Variants in DENND5A observed in about 807,000 individuals in gnomAD.
DENND5A encodes the protein DENN domain-containing protein 5A.
In DENND5A, 64 loss-of-function variants were observed where a neutral mutation model predicts 140.3. That is an observed-to-expected ratio of 0.46 (90% CI 0.37 to 0.56). The LOEUF is 0.56. DENND5A is among the 20% of genes least tolerant of loss of function. DENND5A has a pLI of 0.00. For missense variants in DENND5A, 1,292 were observed against 1,593.8 expected, an observed-to-expected ratio of 0.81 and a Z score of 3.22; for synonymous variants, 605 against 607.7, an observed-to-expected ratio of 1.00 and a Z score of 0.07.
intron 5 of DENND5A, among the ~76,000 whole-genome samples, chr11:9,190,239 G>C (rs756072523): frequency 2.6e-5 from 4 of 152,104 alleles, no homozygotes; most frequent in Non-Finnish European, 4.4e-5. Context: ...GCTGAAATAA[G>C]ATTTTGGGGG....
intron 1 of DENND5A, among the ~76,000 whole-genome samples, chr11:9,229,687 G>GGAAGAAGGAATGCTGCACAGAGTC (rs1850679991): frequency 6.6e-6 from 1 of 152,000 alleles, no homozygotes; most frequent in South Asian, 2.1e-4. Context: ...CCTATACCCA[G>GGAAGAAGGAATGCTGCACAGAGTC]GAAGAAGGAA....
chr11:9,139,879 C>A, intron 22 of DENND5A, 25 bp from the exon 23 acceptor site: 1 of 1,610,588 alleles, frequency 6.2e-7, no homozygotes, highest in Non-Finnish European at 8.5e-7. Context: ...GCAGTCCAGG[C>A]AGGTCAGAGG....
intron 1 of DENND5A, among the ~76,000 whole-genome samples, chr11:9,247,192 T>C (rs1301168772): frequency 6.7e-6 from 1 of 148,802 alleles, no homozygotes; most frequent in African/African-American, 2.5e-5. Context: ...ATCGTGCCAC[T>C]GCACTCCAGC....
At position 9,156,851 on chromosome 11, in the gene DENND5A, AGAGGGATGGAAG is replaced by A. The variant is rs1847819461; in HGVS notation, c.2436+3850_2436+3861del. ...AAAGGGGAAGGAGGGAAGGAGGGAC[AGAGGGATGGAAG>A]GATGGATGGAAGGAAGGAAGGAAGG... On this transcript the variant is annotated intron_variant, in intron 12 of 22. Coordinates refer to ENST00000328194, the MANE Select transcript of DENND5A (RefSeq NM_015213.4). Among the ~76,000 whole-genome samples, 4 of 137,276 alleles carry A rather than the reference AGAGGGATGGAAG, an allele frequency of 2.9e-5. No homozygotes were observed. In the South Asian group the frequency reaches 9.5e-4, roughly 33 times the overall value. The allele number at this position is 137,276 out of a possible 152,430, so 90.1% of individuals were successfully genotyped here.
chr11:9,180,816 A>G lies in DENND5A; in HGVS notation c.1406T>C (p.Ile469Thr). Residue 469 changes from isoleucine to threonine, a missense_variant, in exon 6 of 23, where the codon ATT (isoleucine) becomes ACT (threonine). By Grantham distance (89) the Ile-to-Thr change is moderately conservative. Transcript: ENST00000328194. ...SYELLKENET[I>T]ARLQALVKRT... is the part of the protein sequence containing the mutation. Reference sequence around the variant, plus strand: ...CTTGACCAAGGCTTGCAGCCGGGCAATAGTTTCATTCTCCTTAAGAAGCTC... The same window carrying G: ...CTTGACCAAGGCTTGCAGCCGGGCAGTAGTTTCATTCTCCTTAAGAAGCTC... 6.2e-7 allele frequency: 1 copy of G among 1,614,190 alleles called. No individual in the cohort carries two copies. The highest frequency in any genetic ancestry group is 1.1e-5 in the South Asian group (1 of 91,084).
chr11:9,234,207 C>T (rs1423957786), intron 1 of DENND5A, among the ~76,000 whole-genome samples: 2 of 150,420 alleles, frequency 1.3e-5, no homozygotes, highest in Admixed American at 6.6e-5. Context: ...AACTAATATA[C>T]CCTCCAAACC....
chr11:9,231,618 G>T lies in DENND5A; in HGVS notation c.110-23986C>A, dbSNP rs186330491. 1.8e-3 allele frequency among the ~76,000 whole-genome samples: 271 copies of T among 149,388 alleles called. 1 individual carries two copies. The highest frequency in any genetic ancestry group is 2.9e-3 in the Non-Finnish European group (197 of 67,680). On this transcript the variant is annotated intron_variant, in intron 1 of 22. Transcript: ENST00000328194. Reference sequence around the variant, plus strand: ...TAATCCTAGCTACTCAGGAGACTGAGGCAAGAGAATCACTTGAACCCAGGA... The same window carrying T: ...TAATCCTAGCTACTCAGGAGACTGATGCAAGAGAATCACTTGAACCCAGGA...
chr11:9,253,100 C>T (rs79549010), intron 1 of DENND5A, among the ~76,000 whole-genome samples: 1 of 152,032 alleles, frequency 6.6e-6, no homozygotes, highest in Non-Finnish European at 1.5e-5. Context: ...CATCCTCCCC[C>T]ACTCGGCCCC....
chr11:9,158,579 T>C, intron 12 of DENND5A, among the ~76,000 whole-genome samples: 1 of 151,916 alleles, frequency 6.6e-6, no homozygotes, highest in Non-Finnish European at 1.5e-5. Context: ...TAATATAAAA[T>C]AAAATAAAAT....
At chr11:9,195,884 T>C (rs568254896) in intron 4 of DENND5A, among the ~76,000 whole-genome samples, 8 of 152,222 alleles carry the variant, frequency 5.3e-5, no homozygotes, top group African/African-American at 1.9e-4. Context: ...TTAAGTGACA[T>C]TGTCTCAAAA....
chr11:9,208,243 C>T (rs1389961451), intron 1 of DENND5A, among the ~76,000 whole-genome samples: 2 of 152,216 alleles, frequency 1.3e-5, no homozygotes, highest in African/African-American at 4.8e-5. Context: ...TACAAATAAC[C>T]ATTTCACAGG....
intron 1 of DENND5A, among the ~76,000 whole-genome samples, chr11:9,243,358 G>A (rs1265236260): frequency 1.3e-5 from 2 of 152,260 alleles, no homozygotes; most frequent in East Asian, 1.9e-4. Flanking sequence ...AGAAAATGGG[G>A]TGGGGTATAT....
intron 1 of DENND5A, among the ~76,000 whole-genome samples, chr11:9,214,039 C>T (rs752746731): frequency 9.9e-5 from 15 of 152,108 alleles, no homozygotes; most frequent in Non-Finnish European, 1.9e-4. Context: ...CTGGGATATA[C>T]TAAAATTGAT....
intron 1 of DENND5A, among the ~76,000 whole-genome samples, chr11:9,228,323 G>A (rs1021726220): frequency 1.3e-5 from 2 of 152,042 alleles, no homozygotes; most frequent in Admixed American, 1.3e-4. Context: ...GAAAGACCAA[G>A]GATGATTACA....
chr11:9,244,038 C>A (rs188490341), intron 1 of DENND5A, among the ~76,000 whole-genome samples: 23 of 152,236 alleles, frequency 1.5e-4, no homozygotes, highest in Admixed American at 5.2e-4. Context: ...CAGCAGTAGG[C>A]TGTTAGTAAA....
At chr11:9,180,260 T>C (rs1436572540) in intron 6 of DENND5A, among the ~76,000 whole-genome samples, 1 of 151,834 alleles carries the variant, frequency 6.6e-6, no homozygotes, top group Non-Finnish European at 1.5e-5. Flanking sequence ...TGAGACTAGC[T>C]GAGCAACATA....
At chr11:9,210,005 G>A (rs1042389335) in intron 1 of DENND5A, among the ~76,000 whole-genome samples, 1 of 152,056 alleles carries the variant, frequency 6.6e-6, no homozygotes, top group African/African-American at 2.4e-5. Context: ...TAACTGGGAG[G>A]CTGAGGCAGG....
At chr11:9,175,601 A>G (rs1235399231) in intron 8 of DENND5A, 1 of 152,264 alleles carries the variant, frequency 6.6e-6, no homozygotes, top group Non-Finnish European at 1.5e-5. Context: ...TGTAAGCTAC[A>G]GTAATCAAGA....
At chr11:9,171,014 C>T (rs572965315) in intron 8 of DENND5A, 1 of 613,730 alleles carries the variant, frequency 1.6e-6, no homozygotes, top group Non-Finnish European at 2.7e-6. Flanking sequence ...AAACAGGTAA[C>T]AAATGAGGTA....
Sources: gnomAD v4.1 joint callset for allele counts (sites outside exome capture counted in the v4.1 genomes callset) on GRCh38, gnomAD v4.1.1 for gene constraint, MANE v1.5 for transcripts, NCBI Gene and HGNC (gene_info 2026-07-23, HGNC 2026-07-21) for gene names.